Variants in NUP153 observed in about 807,000 individuals in gnomAD.
NUP153 encodes nucleoporin 153, also known as nuclear pore complex protein Nup153.
In NUP153, 27 loss-of-function variants were observed where a neutral mutation model predicts 134.6. That is an observed-to-expected ratio of 0.20 (90% CI 0.15 to 0.28). The LOEUF (loss-of-function observed/expected upper bound fraction) is 0.28. Among genes scored for constraint, NUP153 ranks in the 10% least tolerant of loss-of-function variants. The pLI is 1.00. For missense variants in NUP153, 1,821 were observed against 1,731.3 expected, an observed-to-expected ratio of 1.05 and a Z score of -0.92; for synonymous variants, 640 against 623.5, an observed-to-expected ratio of 1.03 and a Z score of -0.40.
At chr6:17,700,819 A>G (rs1359013592) in intron 1 of NUP153, among the ~76,000 whole-genome samples, 1 of 152,254 alleles carries the variant, frequency 6.6e-6, no homozygotes, top group Non-Finnish European at 1.5e-5. Context: ...TAAAAACAAA[A>G]CAAAGGACAA....
chr6:17,695,630 T>A (rs555530030), intron 1 of NUP153, among the ~76,000 whole-genome samples: 27 of 152,316 alleles, frequency 1.8e-4, no homozygotes, highest in Admixed American at 7.2e-4. Context: ...GTGTTTATGA[T>A]GCACAGCCAA....
chr6:17,640,034 T>C lies in NUP153; in HGVS notation c.1751A>G (p.Asn584Ser). Residue 584 changes from asparagine (N) to serine (S), a missense_variant, in exon 15 of 22, where the codon AAT (asparagine) becomes AGT (serine). Transcript: ENST00000262077. Reference sequence around the variant, plus strand: ...ATCTTCAGGTGGTGTCTTCTTACAATTTGTACTGTTCACTGTAGTGACATG... The same window carrying C: ...ATCTTCAGGTGGTGTCTTCTTACAACTTGTACTGTTCACTGTAGTGACATG... ...AHHVTTVNSTNCKKTPPEDCE... is the reference protein window; with the variant it reads ...AHHVTTVNSTSCKKTPPEDCE... 2.5e-6 allele frequency: 4 copies of C among 1,610,890 alleles called. No homozygotes were observed. The highest frequency in any genetic ancestry group is 3.4e-6 in the Non-Finnish European group (4 of 1,178,284).
At position 17,625,495 on chromosome 6, in the gene NUP153, A is replaced by C. The variant is rs894855693; in HGVS notation, c.3901+313T>G. ...CAGTGAGCTGAGATTGCACCACTGC[A>C]CTCCAGCCTGGGTGACAGAGCAAGA... On this transcript the variant is annotated intron_variant, in intron 19 of 21. Transcript: ENST00000262077. The surrounding 1 kb of genome is among the most constrained non-coding windows in gnomAD (Gnocchi z 4.7). Among the ~76,000 whole-genome samples, 7 of 152,146 alleles carry C rather than the reference A, an allele frequency of 4.6e-5. No homozygotes were observed. In the South Asian group the frequency reaches 1.2e-3, roughly 27 times the overall value.
intron 9 of NUP153, among the ~76,000 whole-genome samples, chr6:17,662,419 T>A (rs1368490732): frequency 6.6e-6 from 1 of 152,186 alleles, no homozygotes; most frequent in Non-Finnish European, 1.5e-5. Flanking sequence ...AATAGCTCCC[T>A]ACAACTTAAA....
intron 1 of NUP153, among the ~76,000 whole-genome samples, chr6:17,696,868 T>C (rs1318195067): frequency 2.0e-5 from 3 of 151,808 alleles, no homozygotes; most frequent in African/African-American, 7.3e-5. Flanking sequence ...AGGTCAGGAG[T>C]TTGAGACCAG....
chr6:17,683,053 C>T (rs1010931500), intron 2 of NUP153, among the ~76,000 whole-genome samples: 22 of 151,706 alleles, frequency 1.5e-4, no homozygotes, highest in African/African-American at 4.8e-4. Flanking sequence ...TTTTAGTTTT[C>T]TTTCTATTTC....
At chr6:17,637,128 T>C (rs749030364) in intron 16 of NUP153, 25 bp downstream of exon 16, 2 of 1,577,174 alleles carry the variant, frequency 1.3e-6, no homozygotes, top group East Asian at 4.5e-5. Flanking sequence ...ATAAGCAAAA[T>C]TACTCCATAA....
intron 8 of NUP153, among the ~76,000 whole-genome samples, 179 bp downstream of exon 8, chr6:17,668,796 T>C (rs1029558105): frequency 6.6e-6 from 1 of 151,580 alleles, no homozygotes; most frequent in African/African-American, 2.4e-5. Context: ...TGAGTCAAGA[T>C]GGCACCACTG....
At chr6:17,700,845 C>T (rs1770007341) in intron 1 of NUP153, among the ~76,000 whole-genome samples, 1 of 152,208 alleles carries the variant, frequency 6.6e-6, no homozygotes, top group South Asian at 2.1e-4. Context: ...CACAGCAAAG[C>T]CTAAAAATTC....
At chr6:17,649,922 G>A (rs1766418501) in intron 11 of NUP153, among the ~76,000 whole-genome samples, 1 of 152,088 alleles carries the variant, frequency 6.6e-6, no homozygotes, top group Non-Finnish European at 1.5e-5. Context: ...AGGGGGTGAG[G>A]GGGAGCATTA....
At chr6:17,681,623 G>T (rs1320726987) in intron 2 of NUP153, among the ~76,000 whole-genome samples, 1 of 152,046 alleles carries the variant, frequency 6.6e-6, no homozygotes, top group East Asian at 1.9e-4. Flanking sequence ...ACTGTCTGGG[G>T]TTTAGAAATC....
rs369334821 is a variant in NUP153 at position 17,629,067 on chromosome 6, G to A, written c.3132C>T (p.Asn1044=). The change falls in exon 18 of 22, where the codon AAC becomes AAT. Residue 1044 remains asparagine, a synonymous_variant. Transcript: ENST00000262077. ...APANTIVTSE[N]KSSFNLGTIE... ...TGGTTCCAAGGTTGAAGCTGCTCTT[G>A]TTCTCAGAGGTCACTATGGTGTTAG... 6.2e-7 allele frequency: 1 copy of A among 1,614,218 alleles called. No homozygotes were observed. Among genetic ancestry groups the A allele is most frequent in the South Asian group, 1.1e-5 (1 of 91,084 alleles).
chr6:17,662,055 T>G lies in NUP153; in HGVS notation c.1231A>C (p.Asn411His), dbSNP rs1282907118. ...DNKCSTGYEKNMTPGQNREQR... is the reference protein window; with the variant it reads ...DNKCSTGYEKHMTPGQNREQR... ...TCTCTATTTTGTCCGGGTGTCATATTTTTTTCATATCCAGTCTGCAGGGGA... is the reference window on the plus strand; with the variant it reads ...TCTCTATTTTGTCCGGGTGTCATATGTTTTTCATATCCAGTCTGCAGGGGA... The change falls in exon 10 of 22, where the codon AAT becomes CAT. Residue 411 changes from asparagine to histidine, a missense_variant. Asn to His is a moderately conservative substitution (Grantham distance 68). Transcript: ENST00000262077. The G allele has an allele frequency of 6.2e-7, 1 of 1,612,710 alleles. No homozygotes were observed. The highest frequency in any genetic ancestry group is 1.3e-5 in the African/African-American group (1 of 74,884).
chr6:17,689,119 T>A (rs961256856), intron 1 of NUP153, among the ~76,000 whole-genome samples: 2 of 150,816 alleles, frequency 1.3e-5, no homozygotes, highest in African/African-American at 4.9e-5. Context: ...AGCGAGGTGG[T>A]TCATGCCTGT....
intron 1 of NUP153, among the ~76,000 whole-genome samples, chr6:17,699,927 T>G (rs1257560586): frequency 3.3e-5 from 5 of 152,212 alleles, no homozygotes; most frequent in Admixed American, 3.3e-4. Flanking sequence ...GTCAGGGACT[T>G]CCCAGAAAAT....
At chr6:17,684,825 A>T (rs990492799) in intron 2 of NUP153, among the ~76,000 whole-genome samples, 2 of 152,244 alleles carry the variant, frequency 1.3e-5, no homozygotes, top group African/African-American at 4.8e-5. Context: ...GGAGGCCCAG[A>T]AAGAGGGAGA....
rs562155750 is a variant in NUP153, at chr6:17,622,413, C to T, written c.4174+2148G>A. Among the ~76,000 whole-genome samples the T allele has an allele frequency of 3.9e-5, 6 of 152,196 alleles. No homozygotes were observed. The East Asian group carries it at 9.7e-4, about 25-fold the overall frequency. On this transcript the variant is annotated intron_variant, in intron 20 of 21. Coordinates refer to ENST00000262077, the MANE Select transcript of NUP153 (RefSeq NM_005124.4). ...CCAGCAGGTTGAGGCAGTAGTGAGCCGAGATTCCACCACTGTACTCCAGTT... is the reference window on the plus strand; with the variant it reads ...CCAGCAGGTTGAGGCAGTAGTGAGCTGAGATTCCACCACTGTACTCCAGTT...
chr6:17,674,491 G>A lies in NUP153; in HGVS notation c.852+414C>T, dbSNP rs12198954. Among the ~76,000 whole-genome samples, 1,370 of 152,236 alleles carry A rather than the reference G, an allele frequency of 9.0e-3. 12 individuals carry two copies. The highest frequency in any genetic ancestry group is 0.014 in the Non-Finnish European group (948 of 68,020). ...CAATATTAAATCAAAACTACTGGCC[G>A]GGTGCAGTGGCTCACGCCTGTAATC... On this transcript the variant is annotated intron_variant, in intron 5 of 21. Transcript: ENST00000262077.
chr6:17,652,632 G>C (rs1245273097), intron 11 of NUP153, among the ~76,000 whole-genome samples: 2 of 152,114 alleles, frequency 1.3e-5, no homozygotes, highest in East Asian at 3.8e-4. Context: ...TTAAGAAAAT[G>C]AGTAGGCAAG....
Sources: gnomAD v4.1 joint callset for allele counts (sites outside exome capture counted in the v4.1 genomes callset) on GRCh38, gnomAD v4.1.1 for gene constraint, Gnocchi (gnomAD v3.1) non-coding constraint, MANE v1.5 for transcripts, NCBI Gene and HGNC (gene_info 2026-07-23, HGNC 2026-07-21) for gene names.